The following TUBB6 variants were observed in gnomAD, a reference collection of about 807,000 sequenced individuals.
The protein encoded by TUBB6 is tubulin beta-6 chain.
In TUBB6, 18 loss-of-function variants were observed where a neutral mutation model predicts 32.3. The observed-to-expected ratio is 0.56, with a 90% CI of 0.39 to 0.83. TUBB6 has a LOEUF of 0.83. TUBB6 is among the 40% of genes least tolerant of loss of function. The probability of loss-of-function intolerance (pLI) is 0.00; values close to 1 mark genes in which losing one functional copy is unlikely to be tolerated. For synonymous variants in TUBB6, 280 were observed against 265.8 expected, an observed-to-expected ratio of 1.05 and a Z score of -0.52; for missense variants, 480 against 632.0, an observed-to-expected ratio of 0.76 and a Z score of 2.58.
Position 12,308,714 on chromosome 18 carries a change from G to T in TUBB6, c.85G>T (p.Gly29Cys), listed in dbSNP as rs779433402. The T allele has an allele frequency of 2.9e-5, 47 of 1,612,774 alleles. No individual in the cohort carries two copies. The highest frequency in any genetic ancestry group is 3.6e-5 in the Non-Finnish European group (43 of 1,179,092). The change falls in exon 2 of 4, where the codon GGC becomes TGC. Residue 29 changes from glycine (G) to cysteine (C), a missense_variant. Coordinates refer to ENST00000317702, the MANE Select transcript of TUBB6 (RefSeq NM_032525.3). The part of the protein sequence containing the change: ...KFWEVISDEH[G>C]IDPAGGYVGD... ...TTGGGAAGTGATCAGCGATGAGCAC[G>T]GCATCGACCCGGCCGGAGGCTACGT...
chr18:12,313,296 T>C (rs1455289679), intron 3 of TUBB6, among the ~76,000 whole-genome samples: 2 of 152,234 alleles, frequency 1.3e-5, no homozygotes, highest in Non-Finnish European at 2.9e-5. Context: ...AAAAGTGTTA[T>C]TTGTTGATGA....
chr18:12,309,682 AC>A lies in TUBB6; in HGVS notation c.166+890del, dbSNP rs1906251496. 1.3e-5 allele frequency among the ~76,000 whole-genome samples: 2 copies of A among 152,096 alleles called. 1 individual carries two copies. Among genetic ancestry groups the A allele is most frequent in the South Asian group, 4.1e-4 (2 of 4,820 alleles). On this transcript the variant is annotated intron_variant, in intron 2 of 3. Coordinates refer to ENST00000317702, the MANE Select transcript of TUBB6 (RefSeq NM_032525.3). ...ACACTGCACTTCATGTTAATCCCTC[AC>A]CCAGCTTGGGTACATCCATTTTCGA...
chr18:12,324,849 A>G lies in TUBB6; in HGVS notation c.278-218A>G, dbSNP rs193259238. 6.7e-4 allele frequency: 929 copies of G among 1,384,464 alleles called. 3 individuals carry two copies. Among genetic ancestry groups the G allele is most frequent in the South Asian group, 7.7e-4 (40 of 51,718 alleles). 85.8% of individuals were successfully genotyped at this position (1,384,464 alleles called of 1,614,324 possible). Reference sequence around the variant, plus strand: ...ATGGAACAACCAGGTCAAAATGTATATACATCTTTAAAATTGACCAGTAGC... The same window carrying G: ...ATGGAACAACCAGGTCAAAATGTATGTACATCTTTAAAATTGACCAGTAGC... On this transcript the variant is annotated intron_variant, in intron 3 of 3. Transcript: ENST00000317702.
At chr18:12,311,121 G>C in intron 3 of TUBB6, 68 bp downstream of exon 3, 1 of 1,303,452 alleles carries the variant, frequency 7.7e-7, no homozygotes. Context: ...TTATATGCCA[G>C]ATTTAAAGCA....
At chr18:12,329,759 C>A (rs752335461), downstream of TUBB6, 1 of 1,614,134 alleles carries the variant, frequency 6.2e-7, no homozygotes, top group Admixed American at 1.7e-5. Flanking sequence ...TCTAATACTT[C>A]TTTTTCTAAC....
chr18:12,316,924 G>A (rs1335644495), intron 3 of TUBB6, among the ~76,000 whole-genome samples: 1 of 151,752 alleles, frequency 6.6e-6, no homozygotes, highest in African/African-American at 2.4e-5. Flanking sequence ...TTTGGGAGGC[G>A]CAGACAGGCA....
Position 12,325,988 on chromosome 18 carries a change from G to C in TUBB6, c.1199G>C (p.Gly400Ala). The change falls in exon 4 of 4, where the codon GGT becomes GCT. Residue 400 changes from glycine to alanine, a missense_variant. Physicochemically the swap from Gly to Ala is moderately conservative, Grantham distance 60. Coordinates refer to ENST00000317702, the MANE Select transcript of TUBB6 (RefSeq NM_032525.3). ...AAGGCCTTCCTGCACTGGTTCACGG[G>C]TGAGGGCATGGATGAAATGGAGTTC... is the stretch of plus-strand genomic sequence containing the variant. ...RRKAFLHWFT[G>A]EGMDEMEFTE... The C allele has an allele frequency of 6.2e-7, 1 of 1,614,122 alleles. No homozygotes were observed. Among genetic ancestry groups the C allele is most frequent in the Non-Finnish European group, 8.5e-7 (1 of 1,180,042 alleles).
downstream of TUBB6, chr18:12,329,399 G>A: frequency 1.3e-6 from 1 of 759,408 alleles, no homozygotes; most frequent in Non-Finnish European, 2.3e-6. Flanking sequence ...CACCCACTGT[G>A]ACCTCTGAGG....
At chr18:12,328,812 A>G (rs575936339), downstream of TUBB6, 23 of 280,052 alleles carry the variant, frequency 8.2e-5, no homozygotes, top group African/African-American at 4.8e-4. Flanking sequence ...AGAAGGTTCC[A>G]ACCTCCTGTG....
At chr18:12,315,559 T>C (rs1025877521) in intron 3 of TUBB6, among the ~76,000 whole-genome samples, 2 of 152,232 alleles carry the variant, frequency 1.3e-5, no homozygotes, top group African/African-American at 4.8e-5. Context: ...AACTACTTTA[T>C]AGGAAATGTA....
chr18:12,316,613 G>A (rs1248076358), intron 3 of TUBB6, among the ~76,000 whole-genome samples: 1 of 152,178 alleles, frequency 6.6e-6, no homozygotes, highest in Non-Finnish European at 1.5e-5. Context: ...AAATGAATAT[G>A]CTTATTTGTT....
At chr18:12,308,643 C>A in intron 1 of TUBB6, 44 bp from the exon 2 acceptor site, 3 of 1,393,040 alleles carry the variant, frequency 2.2e-6, no homozygotes, top group Non-Finnish European at 3.0e-6. Context: ...GCGTCCCGGG[C>A]TCTGGGTTCT....
At chr18:12,309,029 T>C (rs947704802) in intron 2 of TUBB6, among the ~76,000 whole-genome samples, 1 of 152,302 alleles carries the variant, frequency 6.6e-6, no homozygotes, top group African/African-American at 2.4e-5. Flanking sequence ...GTTAGCGTTG[T>C]GAAATCAACG....
chr18:12,327,047 G>A (rs1336435069), downstream of TUBB6, among the ~76,000 whole-genome samples: 3 of 152,236 alleles, frequency 2.0e-5, no homozygotes, highest in East Asian at 1.9e-4. Flanking sequence ...CACGGGGCAC[G>A]CACAGTAGCC....
intron 3 of TUBB6, among the ~76,000 whole-genome samples, chr18:12,317,734 G>A (rs140105233): frequency 6.6e-6 from 1 of 152,316 alleles, no homozygotes; most frequent in East Asian, 1.9e-4. Flanking sequence ...GGGACCTGTT[G>A]CAGCCCCACT....
In TUBB6 at chr18:12,325,593, T is replaced by C. The variant is rs1263642496; in HGVS notation, c.804T>C (p.Pro268=). ...TCCCGCGCCTGCACTTCTTCATGCC[T>C]GGCTTCGCGCCGCTCACCAGCCGCG... is the stretch of plus-strand genomic sequence containing the variant. ...VPFPRLHFFM[P]GFAPLTSRGS... The change falls in exon 4 of 4, where the codon CCT becomes CCC. Residue 268 remains proline (P), a synonymous_variant. Transcript: ENST00000317702. The C allele has an allele frequency of 2.5e-6, 4 of 1,613,906 alleles. No homozygotes were observed. In the South Asian group the frequency reaches 4.4e-5, roughly 18 times the overall value.
intron 3 of TUBB6, among the ~76,000 whole-genome samples, chr18:12,313,154 A>C (rs1435220709): frequency 8.3e-6 from 1 of 120,336 alleles, no homozygotes. Flanking sequence ...GGTGAAACAG[A>C]AGCATTTCCA....
chr18:12,312,892 G>A lies in TUBB6; in HGVS notation c.277+1839G>A, dbSNP rs574801913. On this transcript the variant is annotated intron_variant, in intron 3 of 3. Transcript: ENST00000317702. ...CACATGCCTGTAATCCCAGCTACTC[G>A]GGAGGCTGAGGCAGGAGAATCACTT... 4.1e-4 allele frequency among the ~76,000 whole-genome samples: 62 copies of A among 151,562 alleles called. No homozygotes were observed. The South Asian group carries it at 0.011, about 28-fold the overall frequency.
intron 3 of TUBB6, among the ~76,000 whole-genome samples, chr18:12,312,508 G>A (rs1167701274): frequency 6.6e-6 from 1 of 152,080 alleles, no homozygotes; most frequent in African/African-American, 2.4e-5. Flanking sequence ...CTCTTAGTGA[G>A]ATGTAAGGAT....
Sources: gnomAD v4.1 joint callset for allele counts (sites outside exome capture counted in the v4.1 genomes callset) on GRCh38, gnomAD v4.1.1 for gene constraint, MANE v1.5 for transcripts, NCBI Gene and HGNC (gene_info 2026-07-23, HGNC 2026-07-21) for gene names.